PUM2: variants seen among roughly 807,000 people sequenced by gnomAD.
PUM2 encodes pumilio RNA binding family member 2.
In PUM2, 57 loss-of-function variants were observed where a neutral mutation model predicts 124.5. That is an observed-to-expected ratio of 0.46 (90% CI 0.37 to 0.57). PUM2 has a LOEUF of 0.57. Ranked by LOEUF, PUM2 falls within the 20% of genes least tolerant of loss-of-function variation. The pLI is 0.00. For missense variants in PUM2, 1,065 were observed against 1,290.6 expected (o/e 0.83, Z 2.68); for synonymous variants, 460 against 446.1 (o/e 1.03, Z -0.39).
chr2:20,275,872 A>G (rs1670114370), intron 13 of PUM2, among the ~76,000 whole-genome samples: 1 of 152,274 alleles, frequency 6.6e-6, no homozygotes, highest in African/African-American at 2.4e-5. Context: ...ACATTAAGAC[A>G]TATCAAACAA....
chr2:20,295,174 A>G (rs1460887727), intron 8 of PUM2, among the ~76,000 whole-genome samples: 1 of 152,180 alleles, frequency 6.6e-6, no homozygotes, highest in Non-Finnish European at 1.5e-5. Context: ...GGAAACTAGG[A>G]AAATAAGAAT....
chr2:20,328,155 G>A (rs543040076), intron 1 of PUM2, among the ~76,000 whole-genome samples: 15 of 152,298 alleles, frequency 9.8e-5, no homozygotes, highest in African/African-American at 3.6e-4. Context: ...CCAACATGGT[G>A]AAACCCCGTC....
At chr2:20,309,688 T>C (rs1357794633) in intron 5 of PUM2, among the ~76,000 whole-genome samples, 4 of 152,172 alleles carry the variant, frequency 2.6e-5, no homozygotes, top group African/African-American at 9.6e-5. Context: ...CAAACTTGAG[T>C]ACATTAAGTA....
At chr2:20,285,903 C>G (rs963369843) in intron 10 of PUM2, among the ~76,000 whole-genome samples, 45 of 152,058 alleles carry the variant, frequency 3.0e-4, no homozygotes, top group African/African-American at 1.0e-3. Context: ...TGAAGAATCT[C>G]CATAACAAGA....
At chr2:20,315,727 G>A (rs867440676) in intron 3 of PUM2, among the ~76,000 whole-genome samples, 20 of 151,394 alleles carry the variant, frequency 1.3e-4, no homozygotes, top group Middle Eastern at 6.8e-3. Context: ...TCGGGAGGCT[G>A]AGGCAGGTGG....
At chr2:20,350,899 C>T (rs987421278), upstream of PUM2, 4 of 588,818 alleles carry the variant, frequency 6.8e-6, no homozygotes, top group African/African-American at 4.0e-5. Context: ...GGAGGGGGAG[C>T]GCTCACCAAG....
intron 7 of PUM2, among the ~76,000 whole-genome samples, chr2:20,305,463 G>GAAAAAAAAAAA (rs67834545): frequency 4.3e-5 from 2 of 46,138 alleles, no homozygotes; most frequent in Non-Finnish European, 7.2e-5. Flanking sequence ...CCCTGTCTTC[G>GAAAAAAAAAAA]AAAAAAAAAA....
rs562301323 is a variant in PUM2, at chr2:20,279,529, A to G, written c.1721-710T>C. The stretch of plus-strand genomic sequence containing the variant: ...AGGACTCTTCTACTCCTAAGATGCT[A>G]GTACTACTGCCTCCTGAGCCCCTTA... On this transcript the variant is annotated intron_variant, in intron 12 of 20. Transcript: ENST00000361078. Among the ~76,000 whole-genome samples the G allele has an allele frequency of 5.3e-5, 8 of 152,316 alleles. No individual in the cohort carries two copies. The East Asian group carries it at 1.5e-3, about 29-fold the overall frequency.
Position 20,290,810 on chromosome 2 carries a change from T to C in PUM2, c.1153-20A>G. ...GAGAACCTACAAAGGTAAAATGATT[T>C]TCTTAAAATCAATATAAAATAATAG... On this transcript the variant is annotated intron_variant, in intron 9 of 20. Transcript: ENST00000361078. The C allele has an allele frequency of 1.1e-5, 17 of 1,534,120 alleles. No homozygotes were observed. Among genetic ancestry groups the C allele is most frequent in the Non-Finnish European group, 1.5e-5 (17 of 1,143,830 alleles).
At chr2:20,258,102 T>C (rs923540969) in intron 16 of PUM2, 141 bp downstream of exon 16, 2 of 728,754 alleles carry the variant, frequency 2.7e-6, no homozygotes, top group South Asian at 2.4e-5. Context: ...GTGTGCTATT[T>C]AGGACACAGT....
chr2:20,333,013 T>C (rs532883466), intron 1 of PUM2: 2 of 152,312 alleles, frequency 1.3e-5, no homozygotes, highest in South Asian at 2.1e-4. Flanking sequence ...CAAGACCCAG[T>C]ATAATCTTAT....
chr2:20,349,996 T>C (rs941329762), intron 1 of PUM2, among the ~76,000 whole-genome samples: 1 of 152,232 alleles, frequency 6.6e-6, no homozygotes, highest in Non-Finnish European at 1.5e-5. Context: ...AAACTACTGC[T>C]CAAATAGTAG....
At chr2:20,262,882 C>A (rs1254894760) in intron 14 of PUM2, among the ~76,000 whole-genome samples, 3 of 152,136 alleles carry the variant, frequency 2.0e-5, no homozygotes, top group African/African-American at 7.2e-5. Flanking sequence ...TTTAAACACA[C>A]CATGAGGGTC....
In PUM2 at chr2:20,283,502, G is replaced by T. The variant is rs769998482; in HGVS notation, c.1292-16C>A. 4 of 1,584,546 alleles carry T rather than the reference G, an allele frequency of 2.5e-6. No individual in the cohort carries two copies. The highest frequency in any genetic ancestry group is 3.4e-6 in the Non-Finnish European group (4 of 1,164,862). ...ACTTGATAGCCTAAATAAAATAAAGGTTTACTAATGAAAGCACTTATTACA... is the reference window on the plus strand; with the variant it reads ...ACTTGATAGCCTAAATAAAATAAAGTTTTACTAATGAAAGCACTTATTACA... On this transcript the variant is annotated splice_polypyrimidine_tract_variant and intron_variant, in intron 10 of 20. Transcript: ENST00000361078.
intron 2 of PUM2, among the ~76,000 whole-genome samples, chr2:20,324,933 T>G (rs1176350547): frequency 7.3e-6 from 1 of 136,556 alleles, no homozygotes; most frequent in African/African-American, 2.7e-5. Flanking sequence ...AAAACCGTTT[T>G]GCATTAAAAA....
Position 20,340,975 on chromosome 2 carries a change from T to C in PUM2, c.-19+9622A>G, listed in dbSNP as rs1050436098. Among the ~76,000 whole-genome samples the C allele has an allele frequency of 1.1e-4, 17 of 152,346 alleles. 1 individual carries two copies. In the South Asian group the frequency reaches 3.5e-3, roughly 32 times the overall value. On this transcript the variant is annotated intron_variant, in intron 1 of 20. Transcript: ENST00000361078. ...GAAATGCAAGTGCTTTCTAGAGTAT[T>C]AATGACACATCAAACTGAACTTTTT...
chr2:20,349,074 A>T (rs1160813115), intron 1 of PUM2, among the ~76,000 whole-genome samples: 1 of 152,284 alleles, frequency 6.6e-6, no homozygotes, highest in Non-Finnish European at 1.5e-5. Flanking sequence ...AGTAAATGTC[A>T]GTAATTAATT....
chr2:20,299,894 A>G (rs1676543228), intron 7 of PUM2, among the ~76,000 whole-genome samples: 1 of 152,184 alleles, frequency 6.6e-6, no homozygotes, highest in South Asian at 2.1e-4. Context: ...ACATTTTAAA[A>G]TTTTCTGGTT....
chr2:20,339,697 T>C (rs1346599392), intron 1 of PUM2, among the ~76,000 whole-genome samples: 1 of 152,138 alleles, frequency 6.6e-6, no homozygotes, highest in African/African-American at 2.4e-5. Flanking sequence ...CTAGCAGACA[T>C]GGTGAAACCC....
Sources: gnomAD v4.1 joint callset for allele counts (sites outside exome capture counted in the v4.1 genomes callset) on GRCh38, gnomAD v4.1.1 for gene constraint, MANE v1.5 for transcripts, NCBI Gene and HGNC (gene_info 2026-07-23, HGNC 2026-07-21) for gene names.